The following SEMA3E variants were observed in gnomAD, a reference collection of about 807,000 sequenced individuals.
The protein encoded by SEMA3E is semaphorin-3E.
Under a neutral mutation model 93.6 loss-of-function variants are expected in SEMA3E, and 49 were observed. That is an observed-to-expected ratio of 0.52 (90% confidence interval 0.42 to 0.66). The LOEUF is 0.66. Among genes scored for constraint, SEMA3E ranks in the 30% least tolerant of loss-of-function variants. The probability of loss-of-function intolerance (pLI) is 0.00; values close to 1 mark genes in which losing one functional copy is unlikely to be tolerated. For synonymous variants in SEMA3E, 363 were observed against 330.7 expected, an observed-to-expected ratio of 1.10 and a Z score of -1.06; for missense variants, 906 against 964.8, an observed-to-expected ratio of 0.94 and a Z score of 0.81.
At chr7:83,635,948 A>G (rs1391858153) in intron 1 of SEMA3E, among the ~76,000 whole-genome samples, 2 of 149,522 alleles carry the variant, frequency 1.3e-5, no homozygotes, top group Non-Finnish European at 3.0e-5. Flanking sequence ...TGGGTAAATT[A>G]TCACTCTTTC....
intron 1 of SEMA3E, among the ~76,000 whole-genome samples, chr7:83,611,133 CTA>C (rs1466499099): frequency 6.6e-6 from 1 of 151,016 alleles, no homozygotes; most frequent in East Asian, 1.9e-4. Flanking sequence ...CTCTGCATCT[CTA>C]TGGCAGCCCA....
In SEMA3E at chr7:83,530,499, G is replaced by A. The variant is rs1791266293; in HGVS notation, c.116-40225C>T. ...CAAATCACTGAAGAATTTTACAATGGAACAGTATATAGCCATTAAAAGGCA... is the reference window on the plus strand; with the variant it reads ...CAAATCACTGAAGAATTTTACAATGAAACAGTATATAGCCATTAAAAGGCA... On this transcript the variant is annotated intron_variant, in intron 1 of 16. Transcript: ENST00000643230. Among the ~76,000 whole-genome samples, 2 of 152,070 alleles carry A rather than the reference G, an allele frequency of 1.3e-5. 1 individual carries two copies. The highest frequency in any genetic ancestry group is 1.3e-4 in the Admixed American group (2 of 15,250).
intron 1 of SEMA3E, among the ~76,000 whole-genome samples, chr7:83,497,275 G>C (rs1383649104): frequency 6.6e-6 from 1 of 152,136 alleles, no homozygotes; most frequent in Non-Finnish European, 1.5e-5. Flanking sequence ...CGATGAAGGA[G>C]AGGAGAACAC....
intron 1 of SEMA3E, among the ~76,000 whole-genome samples, chr7:83,534,674 G>A (rs1791377318): frequency 6.6e-6 from 1 of 152,104 alleles, no homozygotes; most frequent in South Asian, 2.1e-4. Flanking sequence ...AAATAAAGTT[G>A]TATTGATCAC....
intron 1 of SEMA3E, among the ~76,000 whole-genome samples, chr7:83,544,957 A>C (rs1215983592): frequency 6.6e-6 from 1 of 152,144 alleles, no homozygotes; most frequent in Non-Finnish European, 1.5e-5. Flanking sequence ...TCACAGGGAT[A>C]ATTAAACTAC....
chr7:83,632,175 A>G (rs1793798797), intron 1 of SEMA3E, among the ~76,000 whole-genome samples: 1 of 151,622 alleles, frequency 6.6e-6, no homozygotes, highest in Non-Finnish European at 1.5e-5. Flanking sequence ...AAAAAAAGTC[A>G]TTGGTTAACA....
At chr7:83,629,277 C>T (rs190413569) in intron 1 of SEMA3E, among the ~76,000 whole-genome samples, 3 of 152,254 alleles carry the variant, frequency 2.0e-5, no homozygotes, top group East Asian at 1.9e-4. Context: ...CATCAGGAGG[C>T]CTGGGGATCA....
intron 4 of SEMA3E, among the ~76,000 whole-genome samples, chr7:83,439,402 T>C (rs1159123786): frequency 6.6e-6 from 1 of 152,174 alleles, no homozygotes; most frequent in South Asian, 2.1e-4. Context: ...GTTAAAAGTC[T>C]CAACAAAGGA....
intron 1 of SEMA3E, among the ~76,000 whole-genome samples, chr7:83,535,571 T>C (rs146065006): frequency 1.2e-3 from 183 of 152,232 alleles, no homozygotes; most frequent in African/African-American, 4.0e-3. Flanking sequence ...AAAGAACCTA[T>C]CAATGACCCT....
rs1341274415 is a variant in SEMA3E at position 83,390,102 on chromosome 7, C to T, written c.1667+2453G>A. On this transcript the variant is annotated intron_variant, in intron 14 of 16. Transcript: ENST00000643230. ...ACGTGTGCACATATATGCGCGTATA[C>T]GTGTGCACATATATGCGCGTATACG... 1.9e-3 allele frequency among the ~76,000 whole-genome samples: 174 copies of T among 89,636 alleles called. 2 individuals carry two copies. The highest frequency in any genetic ancestry group is 6.8e-3 in the African/African-American group (155 of 22,792). 58.8% of individuals were successfully genotyped at this position (89,636 alleles called of 152,430 possible). A position where few individuals can be genotyped will look rare whatever the true frequency, so the allele number is the denominator to read the frequency against.
chr7:83,463,374 C>G (rs1173470092), intron 4 of SEMA3E, among the ~76,000 whole-genome samples: 1 of 152,148 alleles, frequency 6.6e-6, no homozygotes, highest in Non-Finnish European at 1.5e-5. Context: ...TCAACTCACT[C>G]TCTACAGTTC....
At chr7:83,620,793 A>G (rs1176300547) in intron 1 of SEMA3E, among the ~76,000 whole-genome samples, 1 of 152,138 alleles carries the variant, frequency 6.6e-6, no homozygotes, top group East Asian at 1.9e-4. Flanking sequence ...AAAATTCAAC[A>G]TCTCTTCACG....
At position 83,407,122 on chromosome 7, in the gene SEMA3E, TA is replaced by T; in HGVS notation, c.787del (p.Tyr263ThrfsTer9). 4 of 1,613,612 alleles carry T rather than the reference TA, an allele frequency of 2.5e-6. No homozygotes were observed. Among genetic ancestry groups the T allele is most frequent in the Non-Finnish European group, 3.4e-6 (4 of 1,179,764 alleles). ...LEAENNAHAI[Y>X]TRVGRLCVND... is the part of the protein sequence containing the mutation. Reference sequence around the variant, plus strand: ...CACACAGAGTCGCCCGACCCTGGTGTAAATTGCGTGAGCATTGTTTTCTGCC... The same window carrying T: ...CACACAGAGTCGCCCGACCCTGGTGTAATTGCGTGAGCATTGTTTTCTGCC... On this transcript the variant is annotated frameshift_variant, in exon 7 of 17. Transcript: ENST00000643230. LOFTEE classifies it high-confidence loss of function.
chr7:83,588,819 G>C (rs571758494), intron 1 of SEMA3E, among the ~76,000 whole-genome samples: 248 of 152,248 alleles, frequency 1.6e-3, no homozygotes, highest in African/African-American at 5.8e-3. Context: ...GAGCGCAACT[G>C]TATAATCTGA....
At chr7:83,604,384 C>A (rs1793059262) in intron 1 of SEMA3E, among the ~76,000 whole-genome samples, 1 of 151,276 alleles carries the variant, frequency 6.6e-6, no homozygotes, top group Non-Finnish European at 1.5e-5. Context: ...AGAAATGACA[C>A]AGTTTTTTGA....
Position 83,366,661 on chromosome 7 carries a change from A to G in SEMA3E, c.*925T>C, listed in dbSNP as rs1039490107. ...CAATACTTTCATATTAAAGTATGAT[A>G]CAAGGATTAACATGTTTTTTATTTC... On this transcript the variant is annotated 3_prime_UTR_variant, in exon 17 of 17. Coordinates refer to ENST00000643230, the MANE Select transcript of SEMA3E (RefSeq NM_012431.3). 9 of 152,184 alleles carry G rather than the reference A, an allele frequency of 5.9e-5. No homozygotes were observed. The highest frequency in any genetic ancestry group is 2.2e-4 in the African/African-American group (9 of 41,470). The allele number at this position is 152,184 out of a possible 1,614,324, so 9.4% of individuals were successfully genotyped here.
intron 1 of SEMA3E, among the ~76,000 whole-genome samples, chr7:83,592,838 A>T (rs1285831075): frequency 6.6e-6 from 1 of 152,196 alleles, no homozygotes; most frequent in Non-Finnish European, 1.5e-5. Context: ...TGACAGAAGC[A>T]GGTGTTTTAA....
intron 1 of SEMA3E, among the ~76,000 whole-genome samples, chr7:83,499,106 A>C (rs1790547366): frequency 6.6e-6 from 1 of 152,190 alleles, no homozygotes; most frequent in Non-Finnish European, 1.5e-5. Context: ...TTATAGTTGC[A>C]AATAACATTT....
At chr7:83,428,206 C>T (rs1467202273) in intron 4 of SEMA3E, among the ~76,000 whole-genome samples, 2 of 152,198 alleles carry the variant, frequency 1.3e-5, no homozygotes, top group African/African-American at 2.4e-5. Context: ...GCAGGTGCCA[C>T]ATGTGATGCC....
Sources: allele counts gnomAD v4.1 joint callset (sites outside exome capture counted in the v4.1 genomes callset), GRCh38; gene constraint gnomAD v4.1.1; transcripts MANE v1.5; gene names NCBI Gene and HGNC (gene_info 2026-07-23, HGNC 2026-07-21).